Variants in TMEM19 observed in about 807,000 individuals in gnomAD.
TMEM19 encodes transmembrane protein 19.
In TMEM19, 21 loss-of-function variants were observed where a neutral mutation model predicts 33.6. The observed-to-expected ratio is 0.62, with a 90% CI of 0.44 to 0.90. TMEM19 has a LOEUF of 0.90. Ranked by LOEUF, TMEM19 falls within the 40% of genes least tolerant of loss-of-function variation. TMEM19 has a pLI of 0.00. For missense variants in TMEM19, 402 were observed against 401.8 expected (o/e 1.00, Z 0.00); for synonymous variants, 149 against 147.5 (o/e 1.01, Z -0.07).
intron 3 of TMEM19, 103 bp from the exon 4 acceptor site, chr12:71,697,177 T>G: frequency 6.8e-7 from 1 of 1,462,276 alleles, no homozygotes; most frequent in South Asian, 1.4e-5. Context: ...ATTTTTTTGT[T>G]GTTTTTCTTT....
At chr12:71,700,387 C>T (rs913921203) in intron 5 of TMEM19, among the ~76,000 whole-genome samples, 2 of 152,088 alleles carry the variant, frequency 1.3e-5, no homozygotes, top group African/African-American at 4.8e-5. Context: ...CTCAACCCTG[C>T]GTTTACAGTA....
At chr12:71,692,951 T>C (rs1443446970) in intron 2 of TMEM19, among the ~76,000 whole-genome samples, 1 of 151,862 alleles carries the variant, frequency 6.6e-6, no homozygotes, top group Non-Finnish European at 1.5e-5. Context: ...TCCCAAAACT[T>C]AGGGAGGCCA....
intron 4 of TMEM19, among the ~76,000 whole-genome samples, chr12:71,698,345 C>G (rs1309353096): frequency 2.6e-5 from 4 of 152,096 alleles, no homozygotes; most frequent in Non-Finnish European, 5.9e-5. Flanking sequence ...CTTAGTACTC[C>G]TAATAATCAT....
chr12:71,700,078 C>T (rs983860881), intron 5 of TMEM19, among the ~76,000 whole-genome samples: 14 of 152,228 alleles, frequency 9.2e-5, no homozygotes, highest in African/African-American at 2.9e-4. Context: ...CTCTTCATGC[C>T]TCAGAAAATC....
intron 4 of TMEM19, among the ~76,000 whole-genome samples, chr12:71,698,237 CCTT>C: frequency 6.6e-6 from 1 of 152,274 alleles, no homozygotes; most frequent in Admixed American, 6.5e-5. Flanking sequence ...ACCTTCTCCT[CCTT>C]TTTTTTCTCC....
intron 2 of TMEM19, among the ~76,000 whole-genome samples, chr12:71,689,943 G>A (rs1257592813): frequency 6.6e-6 from 1 of 152,130 alleles, no homozygotes; most frequent in Non-Finnish European, 1.5e-5. Flanking sequence ...AGATTAATAG[G>A]ATAGATGAAC....
intron 4 of TMEM19, 70 bp from the exon 5 acceptor site, chr12:71,698,830 C>T: frequency 7.3e-7 from 1 of 1,366,006 alleles, no homozygotes; most frequent in Non-Finnish European, 1.0e-6. Context: ...TAGATAGGTA[C>T]CTTGCTGTCC....
intron 1 of TMEM19, among the ~76,000 whole-genome samples, chr12:71,689,317 T>C (rs183423466): frequency 2.6e-5 from 4 of 152,356 alleles, no homozygotes; most frequent in Non-Finnish European, 5.9e-5. Context: ...CAATAGGCTA[T>C]AGCATATAGC....
intron 3 of TMEM19, among the ~76,000 whole-genome samples, chr12:71,697,052 A>G (rs1881885535): frequency 6.6e-6 from 1 of 152,186 alleles, no homozygotes; most frequent in Non-Finnish European, 1.5e-5. Flanking sequence ...TTTCACAACA[A>G]TGGGAAATGA....
At chr12:71,700,741 A>G in intron 5 of TMEM19, 91 bp from the exon 6 acceptor site, 1 of 1,290,216 alleles carries the variant, frequency 7.8e-7, no homozygotes, top group South Asian at 1.8e-5. Context: ...CCTAGAACTT[A>G]AAGTATAATA....
intron 2 of TMEM19, among the ~76,000 whole-genome samples, chr12:71,694,445 G>C (rs2137595484): frequency 6.6e-6 from 1 of 152,302 alleles, no homozygotes; most frequent in Middle Eastern, 3.4e-3. Flanking sequence ...CATGTACCCA[G>C]AGTTGATTAG....
chr12:71,700,750 TAAA>T (rs367801163), intron 5 of TMEM19, 79 bp from the exon 6 acceptor site: 520 of 1,086,826 alleles, frequency 4.8e-4, no homozygotes, highest in African/African-American at 7.7e-4. Context: ...TAAAGTATAA[TAAA>T]AAAAAAAAAA....
chr12:71,696,512 T>C lies in TMEM19; in HGVS notation c.321T>C (p.Ser107=). The change falls in exon 3 of 6, where the codon TCT becomes TCC. Residue 107 remains serine (S), a synonymous_variant. Coordinates refer to ENST00000266673, the MANE Select transcript of TMEM19 (RefSeq NM_018279.4). ...FTSLLMFFLS[S]SKLTKWKGEV... ...CTTTGCTGATGTTTTTCTTGTCTTCTTCGAAACTCACTAAATGGAAGGGAG... is the reference window on the plus strand; with the variant it reads ...CTTTGCTGATGTTTTTCTTGTCTTCCTCGAAACTCACTAAATGGAAGGGAG... 2.5e-6 allele frequency: 4 copies of C among 1,612,994 alleles called. No individual in the cohort carries two copies. Among genetic ancestry groups the C allele is most frequent in the South Asian group, 2.2e-5 (2 of 90,972 alleles).
chr12:71,692,736 T>C (rs1048681810), intron 2 of TMEM19, among the ~76,000 whole-genome samples: 4 of 152,166 alleles, frequency 2.6e-5, no homozygotes, highest in African/African-American at 9.7e-5. Context: ...ATAAACTCCT[T>C]GAGGACAAAG....
intron 2 of TMEM19, among the ~76,000 whole-genome samples, chr12:71,694,086 A>G (rs1881831127): frequency 6.6e-6 from 1 of 152,234 alleles, no homozygotes; most frequent in Non-Finnish European, 1.5e-5. Flanking sequence ...AGTAAGAGTT[A>G]CAGAACTTCC....
At chr12:71,691,410 T>C (rs1306025739) in intron 2 of TMEM19, among the ~76,000 whole-genome samples, 1 of 152,010 alleles carries the variant, frequency 6.6e-6, no homozygotes, top group East Asian at 1.9e-4. Flanking sequence ...TATTAAATCA[T>C]TTATAACATA....
chr12:71,701,145 A>T lies in TMEM19; in HGVS notation c.*150A>T, dbSNP rs1297043662. ...AGATGGGATTTCACATTTTCCTCTC[A>T]TCAACTCCCCTGTAATAGCTAGCGT... On this transcript the variant is annotated 3_prime_UTR_variant, in exon 6 of 6. Coordinates refer to ENST00000266673, the MANE Select transcript of TMEM19 (RefSeq NM_018279.4). 1 of 731,070 alleles carries T rather than the reference A, an allele frequency of 1.4e-6. No homozygotes were observed. The highest frequency in any genetic ancestry group is 2.1e-6 in the Non-Finnish European group (1 of 476,228). The allele number at this position is 731,070 out of a possible 1,614,324, so 45.3% of individuals were successfully genotyped here. A position where few individuals can be genotyped will look rare whatever the true frequency, so the allele number is the denominator to read the frequency against.
At chr12:71,699,469 G>A (rs137968696) in intron 5 of TMEM19, 425 of 383,898 alleles carry the variant, frequency 1.1e-3, no homozygotes, top group African/African-American at 8.2e-3. Context: ...AGGAGTAATT[G>A]TACAAATCTG....
chr12:71,700,370 C>T (rs933936906), intron 5 of TMEM19, among the ~76,000 whole-genome samples: 1 of 152,110 alleles, frequency 6.6e-6, no homozygotes, highest in East Asian at 1.9e-4. Context: ...TTTGTGCCAG[C>T]CCCATGCTCA....
Sources: gnomAD v4.1 joint callset for allele counts (sites outside exome capture counted in the v4.1 genomes callset) on GRCh38, gnomAD v4.1.1 for gene constraint, MANE v1.5 for transcripts, NCBI Gene and HGNC (gene_info 2026-07-23, HGNC 2026-07-21) for gene names.